PPM1D: variants seen among roughly 807,000 people sequenced by gnomAD.
The protein encoded by PPM1D is protein phosphatase, Mg2+/Mn2+ dependent 1D.
A neutral mutation model predicts 58.3 loss-of-function variants in PPM1D; 52 were observed. The ratio of observed to expected loss-of-function variants is 0.89; its 90% CI spans 0.71 to 1.12. PPM1D has a LOEUF of 1.12. Ranked by LOEUF, PPM1D falls within the 50% of genes most tolerant of loss-of-function variation. The probability of loss-of-function intolerance (pLI) is 0.00; values close to 1 mark genes in which losing one functional copy is unlikely to be tolerated. For synonymous variants in PPM1D, 278 were observed against 285.1 expected, an observed-to-expected ratio of 0.98 and a Z score of 0.25; for missense variants, 564 against 777.2, an observed-to-expected ratio of 0.73 and a Z score of 3.26.
At chr17:60,620,691 G>A (rs1412940831) in intron 1 of PPM1D, among the ~76,000 whole-genome samples, 1 of 151,850 alleles carries the variant, frequency 6.6e-6, no homozygotes, top group African/African-American at 2.4e-5. Flanking sequence ...TGTATTTTTA[G>A]TAGAGACAGG....
intron 3 of PPM1D, among the ~76,000 whole-genome samples, chr17:60,645,582 A>G (rs149226977): frequency 0.026 from 3,385 of 128,546 alleles, 106 homozygotes; most frequent in African/African-American, 0.095. Flanking sequence ...GTATATATAT[A>G]TGTGTGTATA....
In PPM1D at chr17:60,620,957, C is replaced by G. The variant is rs147212816; in HGVS notation, c.473-2564C>G. 3.1e-3 allele frequency among the ~76,000 whole-genome samples: 466 copies of G among 151,308 alleles called. 8 individuals are homozygous for G. The South Asian group carries it at 0.036, about 12-fold the overall frequency. The stretch of plus-strand genomic sequence containing the variant: ...TTTTTTTTTGAGGCAGATTCTCGCT[C>G]TGTTGCCCAGGCTGGAGTGCAGCGG... On this transcript the variant is annotated intron_variant, in intron 1 of 5. Coordinates refer to ENST00000305921, the MANE Select transcript of PPM1D (RefSeq NM_003620.4).
chr17:60,645,659 TAC>T (rs748981153), intron 3 of PPM1D, among the ~76,000 whole-genome samples: 5 of 138,036 alleles, frequency 3.6e-5, no homozygotes, highest in African/African-American at 1.4e-4. Flanking sequence ...TATATATATA[TAC>T]ACACACACAC....
At chr17:60,609,007 A>G (rs1402173864) in intron 1 of PPM1D, among the ~76,000 whole-genome samples, 3 of 151,702 alleles carry the variant, frequency 2.0e-5, no homozygotes, top group African/African-American at 7.3e-5. Context: ...TCGGCCTCCC[A>G]AAGTGCTGGG....
In PPM1D at chr17:60,665,448, T is replaced by G. The variant is rs558228130; in HGVS notation, c.*1896T>G. The G allele has an allele frequency of 6.6e-6, 1 of 152,178 alleles. No homozygotes were observed. Among genetic ancestry groups the G allele is most frequent in the African/African-American group, 2.4e-5 (1 of 41,516 alleles). 9.4% of individuals were successfully genotyped at this position (152,178 alleles called of 1,614,324 possible). A position where few individuals can be genotyped will look rare whatever the true frequency, so the allele number is the denominator to read the frequency against. ...TGGTCTTGATCTCTTGACCTCATGA[T>G]CCACCAGCCTAGGCCTCCCAAAGTG... On this transcript the variant is annotated 3_prime_UTR_variant, in exon 6 of 6. Transcript: ENST00000305921.
At chr17:60,643,876 T>C (rs1193780905) in intron 3 of PPM1D, among the ~76,000 whole-genome samples, 2 of 105,318 alleles carry the variant, frequency 1.9e-5, no homozygotes, top group South Asian at 3.6e-4. Flanking sequence ...TAGAACTCTT[T>C]TCTTTTCTTT....
chr17:60,627,400 A>C (rs2030831254), intron 2 of PPM1D, among the ~76,000 whole-genome samples: 1 of 151,752 alleles, frequency 6.6e-6, no homozygotes, highest in African/African-American at 2.4e-5. Flanking sequence ...ACGTGTGCCA[A>C]CATGCCAGCT....
At chr17:60,609,314 C>T (rs1480590798) in intron 1 of PPM1D, among the ~76,000 whole-genome samples, 1 of 151,784 alleles carries the variant, frequency 6.6e-6, no homozygotes, top group Admixed American at 6.6e-5. Context: ...AGGCTGGTCT[C>T]GAACTCCTGA....
chr17:60,624,133 G>C (rs1032384384), intron 2 of PPM1D, among the ~76,000 whole-genome samples: 3 of 152,082 alleles, frequency 2.0e-5, no homozygotes, highest in Non-Finnish European at 4.4e-5. Flanking sequence ...TTTTTTCATT[G>C]ATTTCAGATT....
intron 3 of PPM1D, among the ~76,000 whole-genome samples, chr17:60,643,965 A>G (rs548976438): frequency 9.9e-4 from 127 of 128,754 alleles, no homozygotes; most frequent in African/African-American, 3.3e-3. Context: ...GCTCACTGCT[A>G]TGTCCGCTTT....
intron 3 of PPM1D, among the ~76,000 whole-genome samples, chr17:60,642,693 G>A (rs548250561): frequency 5.9e-5 from 9 of 152,170 alleles, no homozygotes; most frequent in South Asian, 2.1e-4. Flanking sequence ...TCTTGACCTC[G>A]TGATCCACCA....
chr17:60,603,075 C>A lies in PPM1D; in HGVS notation c.472+2189C>A, dbSNP rs555942440. On this transcript the variant is annotated intron_variant, in intron 1 of 5. Transcript: ENST00000305921. ...ATTCTGCCTCTCTCACCCTGCCCCC[C>A]CAACAAGGAAAACTCAAACAAAAAT... Among the ~76,000 whole-genome samples the A allele has an allele frequency of 9.2e-5, 14 of 152,152 alleles. No individual in the cohort carries two copies. In the East Asian group the frequency reaches 1.5e-3, roughly 17 times the overall value.
chr17:60,621,350 C>T (rs866116080), intron 1 of PPM1D, among the ~76,000 whole-genome samples: 7 of 152,120 alleles, frequency 4.6e-5, no homozygotes, highest in South Asian at 2.1e-4. Context: ...TTTTCCAGTG[C>T]CATTTATTGA....
At chr17:60,640,813 G>C (rs1330330777) in intron 3 of PPM1D, among the ~76,000 whole-genome samples, 1 of 151,634 alleles carries the variant, frequency 6.6e-6, no homozygotes, top group East Asian at 1.9e-4. Context: ...TTTCCTAAAA[G>C]AAATTGGAAA....
chr17:60,641,528 T>C (rs1010689587), intron 3 of PPM1D, among the ~76,000 whole-genome samples: 8 of 152,224 alleles, frequency 5.3e-5, no homozygotes, highest in African/African-American at 1.9e-4. Flanking sequence ...TTTTCTCCCT[T>C]TCTGTAGGTT....
Position 60,618,798 on chromosome 17 carries a change from C to G in PPM1D, c.473-4723C>G, listed in dbSNP as rs146533544. On this transcript the variant is annotated intron_variant, in intron 1 of 5. Transcript: ENST00000305921. ...TTTAGTTGCTTTTAAAAAAGATGTG[C>G]AATGTGATAGATGATTTTATGTATG... Among the ~76,000 whole-genome samples, 167 of 152,126 alleles carry G rather than the reference C, an allele frequency of 1.1e-3. 2 individuals carry two copies. The East Asian group carries it at 0.019, about 18-fold the overall frequency.
intron 1 of PPM1D, among the ~76,000 whole-genome samples, chr17:60,612,090 G>A (rs2030469066): frequency 6.6e-6 from 1 of 151,690 alleles, no homozygotes. Context: ...TACAATAAAT[G>A]GTACACATTT....
At chr17:60,616,122 C>T (rs1231077330) in intron 1 of PPM1D, among the ~76,000 whole-genome samples, 1 of 152,052 alleles carries the variant, frequency 6.6e-6, no homozygotes, top group East Asian at 1.9e-4. Flanking sequence ...TCTTGAGCCT[C>T]AGCCTCCTGT....
chr17:60,608,946 A>T (rs1298657220), intron 1 of PPM1D, among the ~76,000 whole-genome samples: 4 of 151,224 alleles, frequency 2.6e-5, no homozygotes, highest in Non-Finnish European at 4.4e-5. Context: ...ACGGGGTTTC[A>T]CCGTGTTAGC....
Sources: allele counts gnomAD v4.1 joint callset (sites outside exome capture counted in the v4.1 genomes callset), GRCh38; gene constraint gnomAD v4.1.1; transcripts MANE v1.5; gene names NCBI Gene and HGNC (gene_info 2026-07-23, HGNC 2026-07-21).